Variants in TAOK1 observed in about 807,000 individuals in gnomAD.
The protein encoded by TAOK1 is serine/threonine-protein kinase TAO1.
TAOK1 carries 21 observed loss-of-function variants against 138.3 expected under a neutral mutation model. That is an observed-to-expected ratio of 0.15 (90% CI 0.11 to 0.22). The LOEUF (loss-of-function observed/expected upper bound fraction) is 0.22, where lower values mean the gene tolerates loss of function less well. TAOK1 is among the 10% of genes least tolerant of loss of function. The pLI, the probability that TAOK1 is intolerant of heterozygous loss-of-function variation, is 1.00. For missense variants in TAOK1, 651 were observed against 1,227.7 expected (o/e 0.53, Z 7.02); for synonymous variants, 361 against 398.4 (o/e 0.91, Z 1.12).
At chr17:29,410,312 A>G (rs60433114) in intron 1 of TAOK1, among the ~76,000 whole-genome samples, 5,576 of 152,234 alleles carry the variant, frequency 0.037, 316 homozygotes, top group African/African-American at 0.13. Flanking sequence ...GCACAATGGC[A>G]TGATCTTGGC....
At chr17:29,410,583 C>T (rs1257254840) in intron 1 of TAOK1, among the ~76,000 whole-genome samples, 2 of 149,120 alleles carry the variant, frequency 1.3e-5, no homozygotes, top group African/African-American at 4.9e-5. Context: ...TAGTACCTGG[C>T]ATATTGTGTT....
rs1292993296 is a variant in TAOK1, at chr17:29,390,832, C to A, written c.-287C>A. The stretch of plus-strand genomic sequence containing the variant: ...CCCCGGTCGTCCCCTCGCCCCCCCC[C>A]CCACCCCCCGCCGCCGCCGCCCCTT... On this transcript the variant is annotated 5_prime_UTR_variant, in exon 1 of 20. Coordinates refer to ENST00000261716, the MANE Select transcript of TAOK1 (RefSeq NM_020791.4). The A allele has an allele frequency of 6.6e-6, 1 of 151,088 alleles. No individual in the cohort carries two copies. The highest frequency in any genetic ancestry group is 1.5e-5 in the Non-Finnish European group (1 of 67,390). The allele number at this position is 151,088 out of a possible 1,614,324, so 9.4% of individuals were successfully genotyped here.
At chr17:29,426,624 C>T (rs777591247) in intron 1 of TAOK1, among the ~76,000 whole-genome samples, 1 of 152,174 alleles carries the variant, frequency 6.6e-6, no homozygotes, top group African/African-American at 2.4e-5. Flanking sequence ...TATCCATTAT[C>T]CATGTCTTGT....
chr17:29,465,507 T>G (rs1344706648), intron 2 of TAOK1, among the ~76,000 whole-genome samples: 1 of 150,968 alleles, frequency 6.6e-6, no homozygotes, highest in Non-Finnish European at 1.5e-5. Flanking sequence ...GTGCTGTCCT[T>G]TTTTTAAAAA....
intron 4 of TAOK1, among the ~76,000 whole-genome samples, 199 bp from the exon 5 acceptor site, chr17:29,477,462 A>C (rs535551505): frequency 6.6e-6 from 1 of 151,822 alleles, no homozygotes; most frequent in African/African-American, 2.4e-5. Context: ...CACTGAATAC[A>C]TAACTATTTT....
intron 14 of TAOK1, among the ~76,000 whole-genome samples, chr17:29,509,166 T>A (rs2031675597): frequency 6.6e-6 from 1 of 152,130 alleles, no homozygotes; most frequent in Non-Finnish European, 1.5e-5. Flanking sequence ...TTTTATTTTT[T>A]ATTTTATTTT....
chr17:29,495,839 T>C (rs1332500498), intron 11 of TAOK1, 112 bp downstream of exon 11: 3 of 914,282 alleles, frequency 3.3e-6, no homozygotes, highest in Non-Finnish European at 3.1e-6. Context: ...CAGGTTGTAT[T>C]TTCTCAACAC....
At chr17:29,480,253 C>A in intron 6 of TAOK1, 115 bp from the exon 7 acceptor site, 1 of 664,644 alleles carries the variant, frequency 1.5e-6, no homozygotes, top group Non-Finnish European at 2.3e-6. Context: ...TACCCCAGCA[C>A]TTAATTATTT....
intron 11 of TAOK1, 72 bp from the exon 12 acceptor site, chr17:29,498,246 T>C: frequency 3.3e-6 from 5 of 1,520,422 alleles, no homozygotes; most frequent in Non-Finnish European, 4.5e-6. Context: ...TGCTAGGTGC[T>C]TATAGTCAAG....
Position 29,548,280 on chromosome 17 carries a change from C to T in TAOK1, c.*5258C>T, listed in dbSNP as rs2032434458. On this transcript the variant is annotated 3_prime_UTR_variant, in exon 20 of 20. Transcript: ENST00000261716. The stretch of plus-strand genomic sequence containing the variant: ...GTTTCTTAAACTTGCACTTCCTACC[C>T]ACCCAAAGATAGATATCCTTTAAAG... 6.6e-6 allele frequency: 1 copy of T among 152,096 alleles called. No homozygotes were observed. Among genetic ancestry groups the T allele is most frequent in the Non-Finnish European group, 1.5e-5 (1 of 67,980 alleles). 9.4% of individuals were successfully genotyped at this position (152,096 alleles called of 1,614,324 possible).
At chr17:29,511,068 C>G in intron 15 of TAOK1, 76 bp downstream of exon 15, 2 of 1,361,332 alleles carry the variant, frequency 1.5e-6, no homozygotes, top group Non-Finnish European at 2.0e-6. Context: ...CTCATAGAAG[C>G]ATTAGGATAA....
At chr17:29,493,095 G>A (rs2031335890) in intron 10 of TAOK1, among the ~76,000 whole-genome samples, 1 of 152,076 alleles carries the variant, frequency 6.6e-6, no homozygotes, top group Admixed American at 6.5e-5. Context: ...AGCCAAGATC[G>A]TGCCACTGTA....
At chr17:29,432,775 AAATTTTTTTTTTTTTTAG>A (rs1365673823) in intron 1 of TAOK1, among the ~76,000 whole-genome samples, 1 of 147,308 alleles carries the variant, frequency 6.8e-6, no homozygotes, top group East Asian at 2.0e-4. Flanking sequence ...ACACCTGTCC[AAATTTTTTTTTTTTTTAG>A]AGAGAGACAG....
At chr17:29,536,017 G>C (rs2681182) in intron 19 of TAOK1, among the ~76,000 whole-genome samples, 29,949 of 152,138 alleles carry the variant, frequency 0.2, 3,737 homozygotes, top group Non-Finnish European at 0.27. Flanking sequence ...ATAAGGCCAG[G>C]CACAGTGGCT....
At chr17:29,421,193 T>A (rs529569336) in intron 1 of TAOK1, among the ~76,000 whole-genome samples, 1 of 152,090 alleles carries the variant, frequency 6.6e-6, no homozygotes, top group Non-Finnish European at 1.5e-5. Context: ...CCTCCCGGAG[T>A]GCTGGGATTA....
At chr17:29,479,872 A>G (rs2031024554) in intron 6 of TAOK1, among the ~76,000 whole-genome samples, 1 of 152,100 alleles carries the variant, frequency 6.6e-6, no homozygotes, top group Non-Finnish European at 1.5e-5. Context: ...TTTTATATTT[A>G]GGAAAACTAT....
chr17:29,421,159 G>A (rs6505128), intron 1 of TAOK1, among the ~76,000 whole-genome samples: 2 of 151,590 alleles, frequency 1.3e-5, no homozygotes, highest in Admixed American at 1.3e-4. Flanking sequence ...CAGTCTCCTC[G>A]ACCTTGTGAT....
At chr17:29,408,033 A>G (rs1321190099) in intron 1 of TAOK1, among the ~76,000 whole-genome samples, 2 of 151,280 alleles carry the variant, frequency 1.3e-5, no homozygotes, top group African/African-American at 4.9e-5. Flanking sequence ...TTCCTGACCA[A>G]TGTTTTGATT....
At chr17:29,428,553 A>G (rs1201894398) in intron 1 of TAOK1, among the ~76,000 whole-genome samples, 1 of 152,218 alleles carries the variant, frequency 6.6e-6, no homozygotes. Context: ...TAGCTATATG[A>G]TAGTGAGCAA....
Sources: allele counts gnomAD v4.1 joint callset (sites outside exome capture counted in the v4.1 genomes callset), GRCh38; gene constraint gnomAD v4.1.1; transcripts MANE v1.5; gene names NCBI Gene and HGNC (gene_info 2026-07-23, HGNC 2026-07-21).